Variants in DLG2 observed in about 807,000 individuals in gnomAD.
The protein encoded by DLG2 is discs large MAGUK scaffold protein 2.
In DLG2, 45 loss-of-function variants were observed where a neutral mutation model predicts 132.5. The ratio of observed to expected loss-of-function variants is 0.34; its 90% CI spans 0.27 to 0.44. DLG2 has a LOEUF of 0.44. DLG2 is among the 20% of genes least tolerant of loss of function. DLG2 has a pLI of 1.00. For synonymous variants in DLG2, 424 were observed against 419.6 expected (o/e 1.01, Z -0.13); for missense variants, 1,045 against 1,196.9 (o/e 0.87, Z 1.87).
rs750674782 is a variant in DLG2, at chr11:85,239,109, CAT to C, written c.186+46109_186+46110del. Among the ~76,000 whole-genome samples the C allele has an allele frequency of 3.9e-5, 6 of 151,970 alleles. No homozygotes were observed. In the East Asian group the frequency reaches 9.7e-4, roughly 24 times the overall value. Reference sequence around the variant, plus strand: ...ACTTTGAGTGATCGCTTTTTGCTGACATGTGCAATTTACTGGAGAGATAAACT... The same window carrying C: ...ACTTTGAGTGATCGCTTTTTGCTGACGTGCAATTTACTGGAGAGATAAACT... On this transcript the variant is annotated intron_variant, in intron 4 of 27. Coordinates refer to ENST00000376104, the MANE Select transcript of DLG2 (RefSeq NM_001142699.3).
intron 6 of DLG2, among the ~76,000 whole-genome samples, chr11:84,943,987 T>G (rs2049850603): frequency 6.6e-6 from 1 of 152,214 alleles, no homozygotes; most frequent in Non-Finnish European, 1.5e-5. Flanking sequence ...TTCTCCTTCA[T>G]GTTTGAAGGA....
intron 4 of DLG2, among the ~76,000 whole-genome samples, chr11:85,164,425 T>C (rs2078275613): frequency 6.6e-6 from 1 of 152,170 alleles, no homozygotes; most frequent in South Asian, 2.1e-4. Flanking sequence ...TATACATACA[T>C]ACAAAGCACT....
At chr11:83,688,907 CT>C (rs1317786684) in intron 18 of DLG2, among the ~76,000 whole-genome samples, 2 of 152,102 alleles carry the variant, frequency 1.3e-5, no homozygotes, top group Non-Finnish European at 2.9e-5. Flanking sequence ...TTATCTCAGA[CT>C]TCAAATCAGT....
intron 8 of DLG2, among the ~76,000 whole-genome samples, chr11:84,182,826 C>T (rs534346680): frequency 6.6e-6 from 1 of 151,640 alleles, no homozygotes; most frequent in South Asian, 2.1e-4. Flanking sequence ...TTGAAAAGAT[C>T]AGTAAAATTG....
chr11:83,941,069 T>C (rs1174840408), intron 14 of DLG2, among the ~76,000 whole-genome samples: 1 of 152,214 alleles, frequency 6.6e-6, no homozygotes, highest in Non-Finnish European at 1.5e-5. Context: ...GGTTACAAGA[T>C]TTAGCTAATA....
intron 7 of DLG2, among the ~76,000 whole-genome samples, chr11:84,398,937 G>A (rs905062656): frequency 1.1e-4 from 17 of 152,136 alleles, no homozygotes; most frequent in South Asian, 6.2e-4. Context: ...TTTGGGCTTC[G>A]ACTGTGAATT....
chr11:83,500,351 T>G (rs1052459235), intron 21 of DLG2, among the ~76,000 whole-genome samples: 4 of 152,138 alleles, frequency 2.6e-5, no homozygotes, highest in African/African-American at 7.2e-5. Context: ...CAGACTAGGT[T>G]TAGTATTAAT....
intron 4 of DLG2, among the ~76,000 whole-genome samples, chr11:85,279,426 C>T (rs1038536704): frequency 4.6e-5 from 7 of 152,154 alleles, no homozygotes; most frequent in Non-Finnish European, 1.0e-4. Flanking sequence ...ACAGTTTCAT[C>T]ATTCCTTTCA....
chr11:84,570,979 TG>T (rs901603305), intron 6 of DLG2, among the ~76,000 whole-genome samples: 28 of 152,174 alleles, frequency 1.8e-4, no homozygotes, highest in African/African-American at 5.6e-4. Flanking sequence ...TAAAAGTATT[TG>T]CTAAAATTAG....
chr11:83,511,608 T>C (rs1381434960), intron 21 of DLG2, among the ~76,000 whole-genome samples: 2 of 152,088 alleles, frequency 1.3e-5, no homozygotes. Flanking sequence ...TTATTATTAT[T>C]AGATAAGCAT....
At chr11:85,439,291 G>A (rs572834240) in intron 3 of DLG2, among the ~76,000 whole-genome samples, 1 of 151,900 alleles carries the variant, frequency 6.6e-6, no homozygotes, top group South Asian at 2.1e-4. Flanking sequence ...TTCAGGATCT[G>A]CTACATGTTA....
At chr11:84,164,168 T>C (rs1287789644) in intron 8 of DLG2, among the ~76,000 whole-genome samples, 1 of 152,240 alleles carries the variant, frequency 6.6e-6, no homozygotes, top group Non-Finnish European at 1.5e-5. Context: ...AATCCTTGTA[T>C]TGATTTGAAT....
chr11:83,546,889 G>A (rs2096255727), intron 19 of DLG2, among the ~76,000 whole-genome samples: 1 of 152,102 alleles, frequency 6.6e-6, no homozygotes, highest in South Asian at 2.1e-4. Context: ...TTATAGAAGA[G>A]GAAATACAGA....
At chr11:84,681,100 A>G (rs943346011) in intron 6 of DLG2, among the ~76,000 whole-genome samples, 1 of 152,188 alleles carries the variant, frequency 6.6e-6, no homozygotes, top group Non-Finnish European at 1.5e-5. Context: ...GTTCTTTTCT[A>G]TTTATTTCAC....
At chr11:85,123,613 C>T (rs1416423386) in intron 5 of DLG2, among the ~76,000 whole-genome samples, 1 of 152,108 alleles carries the variant, frequency 6.6e-6, no homozygotes, top group South Asian at 2.1e-4. Flanking sequence ...TGGAAGACTC[C>T]AGAGAGTAAA....
intron 6 of DLG2, among the ~76,000 whole-genome samples, chr11:84,974,455 C>T (rs944094364): frequency 1.3e-5 from 2 of 152,144 alleles, no homozygotes; most frequent in Non-Finnish European, 2.9e-5. Flanking sequence ...ATTATAGAGC[C>T]TACCACTGGG....
At chr11:85,141,500 T>C (rs1249759388) in intron 5 of DLG2, among the ~76,000 whole-genome samples, 1 of 151,770 alleles carries the variant, frequency 6.6e-6, no homozygotes, top group African/African-American at 2.4e-5. Context: ...TTCCTCCCAT[T>C]GTATAATTTG....
At position 84,355,698 on chromosome 11, in the gene DLG2, AAT is replaced by A. The variant is rs535782232; in HGVS notation, c.520-104409_520-104408del. Among the ~76,000 whole-genome samples, 115 of 152,278 alleles carry A rather than the reference AAT, an allele frequency of 7.6e-4. 1 individual carries two copies. The highest frequency in any genetic ancestry group is 1.5e-3 in the Non-Finnish European group (101 of 67,998). ...GAGCATGAGAAGAGGTAAGATGAAG[AAT>A]CAGAAATTTTAAAAAAAGATCACAA... On this transcript the variant is annotated intron_variant, in intron 7 of 27. Transcript: ENST00000376104.
intron 3 of DLG2, among the ~76,000 whole-genome samples, chr11:85,410,498 A>G (rs2089214809): frequency 6.6e-6 from 1 of 151,832 alleles, no homozygotes; most frequent in Non-Finnish European, 1.5e-5. Flanking sequence ...TTATAATTAA[A>G]CACTTCACTA....
Sources: gnomAD v4.1 joint callset for allele counts (sites outside exome capture counted in the v4.1 genomes callset) on GRCh38, gnomAD v4.1.1 for gene constraint, MANE v1.5 for transcripts, NCBI Gene and HGNC (gene_info 2026-07-23, HGNC 2026-07-21) for gene names.